Variants in TCF4 observed in about 807,000 individuals in gnomAD.
TCF4 encodes transcription factor 4, also known as SL3-3 enhancer factor 2.
TCF4 carries 3 observed loss-of-function variants against 82.1 expected under a neutral mutation model. The ratio of observed to expected loss-of-function variants is 0.04; its 90% confidence interval spans 0.02 to 0.09. The LOEUF is 0.09. Among genes scored for constraint, TCF4 ranks in the 10% least tolerant of loss-of-function variants. The pLI is 1.00. For missense variants in TCF4, 518 were observed against 852.7 expected (o/e 0.61, Z 4.89); for synonymous variants, 276 against 309.6 (o/e 0.89, Z 1.14).
intron 8 of TCF4, chr18:55,331,962 T>G (rs1018230591): frequency 2.0e-5 from 3 of 152,208 alleles, no homozygotes; most frequent in African/African-American, 7.2e-5. Flanking sequence ...ATACAATAAC[T>G]AATAATGCCA....
chr18:55,533,876 A>G (rs1292642590), intron 3 of TCF4, among the ~76,000 whole-genome samples: 3 of 152,136 alleles, frequency 2.0e-5, no homozygotes, highest in African/African-American at 7.2e-5. Flanking sequence ...TCTTTCTTTT[A>G]AGAAAATACT....
chr18:55,432,357 A>T (rs553722036), intron 5 of TCF4, among the ~76,000 whole-genome samples: 73 of 152,280 alleles, frequency 4.8e-4, no homozygotes, highest in Non-Finnish European at 5.6e-4. Context: ...CTGAACAGAG[A>T]TTTGTACTTA....
At chr18:55,449,803 A>T (rs2095590526) in intron 5 of TCF4, among the ~76,000 whole-genome samples, 1 of 152,072 alleles carries the variant, frequency 6.6e-6, no homozygotes, top group Non-Finnish European at 1.5e-5. Flanking sequence ...TCTCCACCAA[A>T]TGTTATCAGA....
chr18:55,579,903 C>T (rs543762874), intron 3 of TCF4, among the ~76,000 whole-genome samples: 86 of 152,196 alleles, frequency 5.7e-4, no homozygotes, highest in African/African-American at 2.0e-3. Flanking sequence ...ATATGACAGT[C>T]TTTACTGCTC....
chr18:55,580,714 A>G (rs1033812755), intron 3 of TCF4, among the ~76,000 whole-genome samples: 1 of 151,124 alleles, frequency 6.6e-6, no homozygotes, highest in African/African-American at 2.4e-5. Context: ...CTGTTTGCCT[A>G]TATAATCTTG....
chr18:55,300,238 A>G (rs767868506), intron 8 of TCF4, among the ~76,000 whole-genome samples: 8 of 152,138 alleles, frequency 5.3e-5, no homozygotes, highest in Non-Finnish European at 1.0e-4. Context: ...TCTGCCCCCT[A>G]TGCCAACCAT....
At chr18:55,280,913 G>A (rs2062471668) in intron 8 of TCF4, among the ~76,000 whole-genome samples, 1 of 151,958 alleles carries the variant, frequency 6.6e-6, no homozygotes, top group South Asian at 2.1e-4. Context: ...AGACAGATGT[G>A]GGAAAATATG....
At chr18:55,371,417 G>T (rs2089120288) in intron 6 of TCF4, among the ~76,000 whole-genome samples, 1 of 152,184 alleles carries the variant, frequency 6.6e-6, no homozygotes, top group South Asian at 2.1e-4. Context: ...TTCATTTGTG[G>T]ACAGGAGACA....
chr18:55,254,253 G>A (rs576423555), intron 15 of TCF4, among the ~76,000 whole-genome samples: 70 of 152,120 alleles, frequency 4.6e-4, no homozygotes, highest in Non-Finnish European at 8.8e-4. Context: ...TGCTTAATGG[G>A]CAACGGGGAT....
chr18:55,579,080 AAT>A lies in TCF4; in HGVS notation c.145+6198_145+6199del, dbSNP rs778393636. 2.0e-3 allele frequency among the ~76,000 whole-genome samples: 296 copies of A among 148,772 alleles called. 6 individuals are homozygous for A. The East Asian group carries it at 0.038, about 19-fold the overall frequency. ...TCACTATTCCTGCAAGTCTAATATAAATATATATATATATATTTACCTATATA... is the reference window on the plus strand; with the variant it reads ...TCACTATTCCTGCAAGTCTAATATAAATATATATATATATTTACCTATATA... On this transcript the variant is annotated intron_variant, in intron 3 of 19. Transcript: ENST00000354452.
At chr18:55,450,339 G>A (rs1382034599) in intron 5 of TCF4, among the ~76,000 whole-genome samples, 1 of 152,162 alleles carries the variant, frequency 6.6e-6, no homozygotes, top group Non-Finnish European at 1.5e-5. Flanking sequence ...ATTAATAAAT[G>A]TGTCAAGGAA....
intron 2 of TCF4, among the ~76,000 whole-genome samples, chr18:55,615,686 G>C (rs563890490): frequency 6.6e-6 from 1 of 152,152 alleles, no homozygotes; most frequent in South Asian, 2.1e-4. Context: ...TCAGATTGTG[G>C]AAGTCTTCTT....
chr18:55,427,549 TG>T (rs1436236424), intron 5 of TCF4, among the ~76,000 whole-genome samples: 1 of 152,192 alleles, frequency 6.6e-6, no homozygotes, highest in African/African-American at 2.4e-5. Flanking sequence ...CTGAGAACCC[TG>T]GCAAGTTACT....
In TCF4 at chr18:55,630,532, CATT is replaced by C. The variant is rs1319110207; in HGVS notation, c.286+763_286+765del. On this transcript the variant is annotated intron_variant, in intron 2 of 20. Coordinates refer to the TCF4 transcript ENST00000398339. ...TCAGAAGTCCACTGAAAGGGATAATCATTATAGGCTGATTTCTGGAAAGCTTGT... is the reference window on the plus strand; with the variant it reads ...TCAGAAGTCCACTGAAAGGGATAATCATAGGCTGATTTCTGGAAAGCTTGT... Among the ~76,000 whole-genome samples, 6 of 152,178 alleles carry C rather than the reference CATT, an allele frequency of 3.9e-5. No individual in the cohort carries two copies. The East Asian group carries it at 1.2e-3, about 29-fold the overall frequency.
At chr18:55,629,924 A>G (rs1416143839) in intron 2 of TCF4, among the ~76,000 whole-genome samples, 1 of 152,220 alleles carries the variant, frequency 6.6e-6, no homozygotes, top group Non-Finnish European at 1.5e-5. Flanking sequence ...AAGGCATTTT[A>G]TCAAACTTAT....
At chr18:55,321,655 C>A in intron 8 of TCF4, 1 of 1,536,148 alleles carries the variant, frequency 6.5e-7, no homozygotes, top group Non-Finnish European at 8.7e-7. Context: ...CCCCTCGCAG[C>A]CCGCATTCGC....
chr18:55,410,136 C>G (rs1443997934), intron 5 of TCF4, among the ~76,000 whole-genome samples: 1 of 152,078 alleles, frequency 6.6e-6, no homozygotes, highest in African/African-American at 2.4e-5. Flanking sequence ...TTGTATGTAT[C>G]AAGGGATAAT....
At chr18:55,327,708 G>T (rs905540137) in intron 8 of TCF4, among the ~76,000 whole-genome samples, 1 of 152,000 alleles carries the variant, frequency 6.6e-6, no homozygotes, top group East Asian at 1.9e-4. Context: ...CTAGATTTTT[G>T]ATCCATAAGT....
chr18:55,407,649 TAAAAAAA>T (rs60748072), intron 5 of TCF4, among the ~76,000 whole-genome samples: 1 of 132,662 alleles, frequency 7.5e-6, no homozygotes, highest in Non-Finnish European at 1.7e-5. Flanking sequence ...AACTTCCATA[TAAAAAAA>T]AAAAAAAAAA....
Sources: allele counts gnomAD v4.1 joint callset (sites outside exome capture counted in the v4.1 genomes callset), GRCh38; gene constraint gnomAD v4.1.1; transcripts MANE v1.5; gene names NCBI Gene and HGNC (gene_info 2026-07-23, HGNC 2026-07-21).